Variants in PIAS2 observed in about 807,000 individuals in gnomAD.
PIAS2 encodes protein inhibitor of activated STAT 2.
PIAS2 carries 19 observed loss-of-function variants against 69.7 expected under a neutral mutation model. The ratio of observed to expected loss-of-function variants is 0.27; its 90% CI spans 0.19 to 0.40. The LOEUF (loss-of-function observed/expected upper bound fraction) is 0.40. PIAS2 is among the 10% of genes least tolerant of loss of function. The probability of loss-of-function intolerance (pLI) is 1.00; values close to 1 mark genes in which losing one functional copy is unlikely to be tolerated. For missense variants in PIAS2, 624 were observed against 757.0 expected (o/e 0.82, Z 2.06); for synonymous variants, 261 against 263.2 (o/e 0.99, Z 0.08).
At chr18:46,838,081 C>G (rs2044724257) in intron 8 of PIAS2, among the ~76,000 whole-genome samples, 1 of 152,162 alleles carries the variant, frequency 6.6e-6, no homozygotes. Context: ...TTAGCTCTGC[C>G]TGGGAGGCAG....
intron 3 of PIAS2, among the ~76,000 whole-genome samples, chr18:46,856,130 C>A (rs1227722875): frequency 6.6e-6 from 1 of 151,090 alleles, no homozygotes; most frequent in Non-Finnish European, 1.5e-5. Context: ...CTCAGCCTCC[C>A]GAGTAGCTGG....
intron 2 of PIAS2, among the ~76,000 whole-genome samples, chr18:46,885,033 G>A (rs997798055): frequency 6.6e-6 from 1 of 151,946 alleles, no homozygotes; most frequent in Non-Finnish European, 1.5e-5. Context: ...TTAGATTAGG[G>A]GATTATCCAT....
In PIAS2 at chr18:46,807,383, A is replaced by ATTTTTTTT. The variant is rs869285083; in HGVS notation, c.*5042_*5049dup. ...TATATATATATATATATATATATAT[A>ATTTTTTTT]TTTTTTTTTTTTTTTTTTTTTTTTT... On this transcript the variant is annotated 3_prime_UTR_variant, in exon 14 of 14. Transcript: ENST00000585916. 1.1e-3 allele frequency: 13 copies of ATTTTTTTT among 11,598 alleles called. No homozygotes were observed. Among genetic ancestry groups the ATTTTTTTT allele is most frequent in the African/African-American group, 2.2e-3 (4 of 1,846 alleles). The allele number at this position is 11,598 out of a possible 1,614,324, so 0.7% of individuals were successfully genotyped here. A position where few individuals can be genotyped will look rare whatever the true frequency, so the allele number is the denominator to read the frequency against.
chr18:46,816,390 G>C, intron 12 of PIAS2: 1 of 983,532 alleles, frequency 1.0e-6, no homozygotes, highest in Non-Finnish European at 1.2e-6. Flanking sequence ...TGCTTATCAA[G>C]TGATACAAGC....
At chr18:46,825,492 C>G (rs917750964) in intron 11 of PIAS2, among the ~76,000 whole-genome samples, 2 of 152,196 alleles carry the variant, frequency 1.3e-5, no homozygotes, top group Non-Finnish European at 2.9e-5. Context: ...CAAATAATCT[C>G]TTCTCCTGGT....
chr18:46,805,298 G>A lies in PIAS2; in HGVS notation c.*7135C>T, dbSNP rs907859683. 3.3e-5 allele frequency: 5 copies of A among 152,194 alleles called. No individual in the cohort carries two copies. Among genetic ancestry groups the A allele is most frequent in the African/African-American group, 1.2e-4 (5 of 41,440 alleles). The allele number at this position is 152,194 out of a possible 1,614,324, so 9.4% of individuals were successfully genotyped here. A position where few individuals can be genotyped will look rare whatever the true frequency, so the allele number is the denominator to read the frequency against. On this transcript the variant is annotated 3_prime_UTR_variant, in exon 14 of 14. Transcript: ENST00000585916. ...AAACAGAAAGCGTGGTTCAGTAGAC[G>A]AAAATGCTGGAGGTAAAGTAACCAA...
At chr18:46,843,803 C>T in intron 8 of PIAS2, 1 of 273,884 alleles carries the variant, frequency 3.7e-6, no homozygotes, top group Non-Finnish European at 6.8e-6. Context: ...TTATTACTAG[C>T]TGTATATTAT....
chr18:46,807,383 AT>A lies in PIAS2; in HGVS notation c.*5049del, dbSNP rs869285083. ...TATATATATATATATATATATATAT[AT>A]TTTTTTTTTTTTTTTTTTTTTTTTT... On this transcript the variant is annotated 3_prime_UTR_variant, in exon 14 of 14. Coordinates refer to ENST00000585916, the MANE Select transcript of PIAS2 (RefSeq NM_004671.5). 2.4e-3 allele frequency: 28 copies of A among 11,586 alleles called. No homozygotes were observed. The highest frequency in any genetic ancestry group is 3.6e-3 in the Admixed American group (3 of 838). The allele number at this position is 11,586 out of a possible 1,614,324, so 0.7% of individuals were successfully genotyped here.
chr18:46,899,040 C>T (rs999093840), intron 1 of PIAS2, among the ~76,000 whole-genome samples: 7 of 150,840 alleles, frequency 4.6e-5, no homozygotes, highest in Admixed American at 2.0e-4. Flanking sequence ...CTGTATCATG[C>T]ATGTTACTAG....
chr18:46,845,775 T>C (rs573600137), intron 6 of PIAS2, among the ~76,000 whole-genome samples: 7 of 152,328 alleles, frequency 4.6e-5, no homozygotes, highest in Admixed American at 3.9e-4. Context: ...ACCCAACTTA[T>C]GGTGTAAATT....
At chr18:46,858,839 G>A (rs183452599) in intron 3 of PIAS2, among the ~76,000 whole-genome samples, 4 of 152,262 alleles carry the variant, frequency 2.6e-5, no homozygotes, top group Admixed American at 1.3e-4. Context: ...GAGTTTCTAG[G>A]AGGGTATCCA....
intron 10 of PIAS2, 124 bp downstream of exon 10, chr18:46,829,610 C>G: frequency 1.2e-6 from 1 of 805,578 alleles, no homozygotes; most frequent in Non-Finnish European, 2.0e-6. Flanking sequence ...TGGGGGAAAA[C>G]TATATATCAT....
At chr18:46,889,749 C>A (rs1269910769) in intron 2 of PIAS2, among the ~76,000 whole-genome samples, 1 of 152,140 alleles carries the variant, frequency 6.6e-6, no homozygotes, top group Non-Finnish European at 1.5e-5. Context: ...AATTGAAAAG[C>A]AGGGTCTCAA....
intron 2 of PIAS2, among the ~76,000 whole-genome samples, chr18:46,880,026 A>C (rs955321219): frequency 2.0e-5 from 3 of 151,942 alleles, no homozygotes; most frequent in African/African-American, 7.3e-5. Context: ...TGGTTCCAAC[A>C]ATATTAATAT....
intron 1 of PIAS2, among the ~76,000 whole-genome samples, chr18:46,910,702 C>G (rs190244742): frequency 6.6e-6 from 1 of 152,136 alleles, no homozygotes; most frequent in Admixed American, 6.5e-5. Flanking sequence ...TCCCGTAGAT[C>G]GTAGACTACA....
At chr18:46,832,892 CAAAAAAA>C (rs34958166) in intron 9 of PIAS2, among the ~76,000 whole-genome samples, 2 of 106,000 alleles carry the variant, frequency 1.9e-5, no homozygotes, top group South Asian at 6.3e-4. Flanking sequence ...CCTCTGTCTC[CAAAAAAA>C]AAAAAAAAAA....
At chr18:46,865,438 G>T (rs758053365) in intron 2 of PIAS2, among the ~76,000 whole-genome samples, 1 of 151,720 alleles carries the variant, frequency 6.6e-6, no homozygotes, top group Admixed American at 6.6e-5. Context: ...TACTCCAGAG[G>T]CTGAGGCAGA....
At chr18:46,891,154 C>T (rs1454671970) in intron 1 of PIAS2, 100 bp from the exon 2 acceptor site, 9 of 826,210 alleles carry the variant, frequency 1.1e-5, no homozygotes, top group Non-Finnish European at 1.5e-5. Context: ...AGCATTCTAT[C>T]AATTGGCATG....
intron 2 of PIAS2, among the ~76,000 whole-genome samples, chr18:46,865,410 C>T (rs62095381): frequency 6.6e-6 from 1 of 151,518 alleles, no homozygotes; most frequent in Non-Finnish European, 1.5e-5. Context: ...CATGGTGGCA[C>T]GTGCCTGTAA....
Sources: allele counts gnomAD v4.1 joint callset (sites outside exome capture counted in the v4.1 genomes callset), GRCh38; gene constraint gnomAD v4.1.1; transcripts MANE v1.5; gene names NCBI Gene and HGNC (gene_info 2026-07-23, HGNC 2026-07-21).